CREM: variants seen among roughly 807,000 people sequenced by gnomAD.
CREM encodes the protein cAMP responsive element modulator, also known as cAMP-responsive element modulator.
In CREM, 13 loss-of-function variants were observed where a neutral mutation model predicts 37.3. That is an observed-to-expected ratio of 0.35 (90% confidence interval 0.23 to 0.55). CREM has a LOEUF of 0.55. Ranked by LOEUF, CREM falls within the 20% of genes least tolerant of loss-of-function variation. The pLI, the probability that CREM is intolerant of heterozygous loss-of-function variation, is 0.88. For synonymous variants in CREM, 124 were observed against 120.2 expected (o/e 1.03, Z -0.21); for missense variants, 296 against 362.3 (o/e 0.82, Z 1.49).
intron 3 of CREM, chr10:35,167,747 CTA>C: frequency 6.2e-7 from 1 of 1,614,044 alleles, no homozygotes; most frequent in Non-Finnish European, 8.5e-7. Flanking sequence ...TCAGCATAAT[CTA>C]TGTTTCAGGC....
intron 6 of CREM, among the ~76,000 whole-genome samples, chr10:35,190,807 G>A (rs1265469404): frequency 1.3e-4 from 20 of 151,980 alleles, no homozygotes; most frequent in East Asian, 9.7e-4. Context: ...GACTACAGGC[G>A]CCTGCCACCA....
At chr10:35,157,278 A>G (rs1409409536) in intron 3 of CREM, among the ~76,000 whole-genome samples, 1 of 151,934 alleles carries the variant, frequency 6.6e-6, no homozygotes. Flanking sequence ...CACACCCACA[A>G]CTAACATCAT....
chr10:35,198,725 A>G (rs1010460882), intron 6 of CREM, among the ~76,000 whole-genome samples: 3 of 152,206 alleles, frequency 2.0e-5, no homozygotes, highest in Non-Finnish European at 4.4e-5. Flanking sequence ...CATTGTTTAA[A>G]ACAAACTTTC....
chr10:35,169,702 C>G (rs951134205), intron 3 of CREM, among the ~76,000 whole-genome samples: 2 of 152,070 alleles, frequency 1.3e-5, no homozygotes, highest in African/African-American at 2.4e-5. Flanking sequence ...CCATTTTTGC[C>G]CATTCAGTAT....
chr10:35,150,208 T>A (rs201040162), intron 3 of CREM, among the ~76,000 whole-genome samples: 10 of 152,136 alleles, frequency 6.6e-5, no homozygotes, highest in African/African-American at 2.4e-4. Flanking sequence ...CTTTTTTTTT[T>A]GGTAGAGACA....
At chr10:35,196,184 T>G in intron 6 of CREM, 1 of 1,377,550 alleles carries the variant, frequency 7.3e-7, no homozygotes, top group South Asian at 1.2e-5. Context: ...GCGGGTTCTT[T>G]ACTCTTACTC....
intron 3 of CREM, among the ~76,000 whole-genome samples, chr10:35,169,711 A>G (rs540867171): frequency 7.2e-4 from 109 of 152,274 alleles, no homozygotes; most frequent in African/African-American, 2.5e-3. Flanking sequence ...CCCATTCAGT[A>G]TGATATTGGC....
At chr10:35,206,401 G>A (rs2095524691) in intron 6 of CREM, among the ~76,000 whole-genome samples, 1 of 152,060 alleles carries the variant, frequency 6.6e-6, no homozygotes, top group Non-Finnish European at 1.5e-5. Context: ...TGTGGGTATT[G>A]GCATCTGTTT....
At chr10:35,202,623 C>T (rs2095412885) in intron 6 of CREM, among the ~76,000 whole-genome samples, 1 of 152,096 alleles carries the variant, frequency 6.6e-6, no homozygotes, top group South Asian at 2.1e-4. Flanking sequence ...GGAATTTGTC[C>T]ATCGACCATT....
intron 1 of CREM, among the ~76,000 whole-genome samples, chr10:35,137,073 C>T (rs571938872): frequency 2.5e-4 from 38 of 152,244 alleles, no homozygotes; most frequent in Non-Finnish European, 4.6e-4. Context: ...CTCAGCCTCC[C>T]GCAGTGCTGG....
intron 3 of CREM, chr10:35,175,462 T>TA: frequency 2.0e-6 from 1 of 512,732 alleles, no homozygotes; most frequent in South Asian, 2.3e-5. Flanking sequence ...AAAAGAACCA[T>TA]AGTTAAGTTC....
chr10:35,172,183 C>T (rs1323225819), intron 3 of CREM, among the ~76,000 whole-genome samples: 1 of 152,164 alleles, frequency 6.6e-6, no homozygotes, highest in East Asian at 1.9e-4. Context: ...TTTTGCCAGT[C>T]TCTGACACAT....
intron 3 of CREM, among the ~76,000 whole-genome samples, chr10:35,167,155 A>T (rs1169090283): frequency 2.0e-5 from 3 of 152,188 alleles, no homozygotes; most frequent in Admixed American, 6.5e-5. Context: ...GGGGGAAAAA[A>T]AATTAAAGTG....
At chr10:35,142,763 G>T (rs551064895) in intron 2 of CREM, among the ~76,000 whole-genome samples, 1 of 151,966 alleles carries the variant, frequency 6.6e-6, no homozygotes, top group Admixed American at 6.6e-5. Context: ...CCATCACTAC[G>T]CCCAGCTAAC....
chr10:35,170,994 T>A (rs2132692048), intron 3 of CREM, among the ~76,000 whole-genome samples: 1 of 152,178 alleles, frequency 6.6e-6, no homozygotes, highest in South Asian at 2.1e-4. Flanking sequence ...ATTTTAGCAT[T>A]TTAATGAAAA....
chr10:35,211,018 C>T (rs1243865733), intron 7 of CREM, among the ~76,000 whole-genome samples: 4 of 152,132 alleles, frequency 2.6e-5, no homozygotes, highest in African/African-American at 9.7e-5. Context: ...GGAATGTGTG[C>T]CCTAAGAAAA....
chr10:35,186,121 GT>G (rs2094545911), intron 5 of CREM, among the ~76,000 whole-genome samples: 1 of 152,112 alleles, frequency 6.6e-6, no homozygotes, highest in East Asian at 1.9e-4. Context: ...CTGGTGATGT[GT>G]TTTTAAAATC....
intron 3 of CREM, among the ~76,000 whole-genome samples, chr10:35,178,413 T>G (rs2094193865): frequency 1.3e-5 from 2 of 152,308 alleles, no homozygotes; most frequent in South Asian, 2.1e-4. Flanking sequence ...ATATTCTGTC[T>G]TGGGCCTATC....
At position 35,187,352 on chromosome 10, in the gene CREM, C is replaced by T. The variant is rs188150808; in HGVS notation, c.410-848C>T. On this transcript the variant is annotated intron_variant, in intron 5 of 7. Transcript: ENST00000685392. ...TCAGCTCACTGCAACCTCCAACTCC[C>T]GGGTTCAAGTGATTCTCCTGTCTCA... Among the ~76,000 whole-genome samples the T allele has an allele frequency of 2.7e-4, 39 of 146,058 alleles. No homozygotes were observed. The East Asian group carries it at 3.8e-3, about 14-fold the overall frequency.
Sources: allele counts gnomAD v4.1 joint callset (sites outside exome capture counted in the v4.1 genomes callset), GRCh38; gene constraint gnomAD v4.1.1; transcripts MANE v1.5; gene names NCBI Gene and HGNC (gene_info 2026-07-23, HGNC 2026-07-21).